The following TTLL5 variants were observed in gnomAD, a reference collection of about 807,000 sequenced individuals.
TTLL5 encodes the protein tubulin polyglutamylase TTLL5.
Under a neutral mutation model 168.4 loss-of-function variants are expected in TTLL5, and 132 were observed. The ratio of observed to expected loss-of-function variants is 0.78; its 90% CI spans 0.68 to 0.91. The LOEUF is 0.91. TTLL5 is among the 40% of genes least tolerant of loss of function. TTLL5 has a pLI of 0.00. For synonymous variants in TTLL5, 546 were observed against 558.6 expected (o/e 0.98, Z 0.32); for missense variants, 1,545 against 1,581.5 (o/e 0.98, Z 0.39).
In TTLL5 at chr14:75,901,938, T is replaced by C. The variant is rs116174437; in HGVS notation, c.3741-204T>C. Among the ~76,000 whole-genome samples, 1,119 of 152,270 alleles carry C rather than the reference T, an allele frequency of 7.3e-3. 17 individuals are homozygous for C. Among genetic ancestry groups the C allele is most frequent in the African/African-American group, 0.026 (1,066 of 41,544 alleles). ...AGTAGGGAGAAATTAACAATAAATC[T>C]CAAAATATATACTATTTCAGAAGTG... On this transcript the variant is annotated intron_variant, in intron 30 of 31. Transcript: ENST00000298832.
At chr14:75,687,071 T>C (rs1490250966) in intron 5 of TTLL5, among the ~76,000 whole-genome samples, 1 of 152,178 alleles carries the variant, frequency 6.6e-6, no homozygotes, top group African/African-American at 2.4e-5. Flanking sequence ...TTGAAATCTG[T>C]TTTAGAATAG....
chr14:75,776,847 C>T lies in TTLL5; in HGVS notation c.2384C>T (p.Ala795Val). The change falls in exon 23 of 32, where the codon GCA becomes GTA. Residue 795 changes from alanine (A) to valine (V), a missense_variant. Physicochemically the swap from Ala to Val is moderately conservative, Grantham distance 64. Coordinates refer to ENST00000298832, the MANE Select transcript of TTLL5 (RefSeq NM_015072.5). ...AACTTTCAGGAGTTCATCAGACAAG[C>T]AAGGTAGTAGACATTCTTGATTGAT... ...MENFQEFIRQ[A>V]SEAELEEVLT... 1 of 1,610,136 alleles carries T rather than the reference C, an allele frequency of 6.2e-7. No homozygotes were observed. The highest frequency in any genetic ancestry group is 1.7e-5 in the Admixed American group (1 of 59,936).
chr14:75,831,723 A>G (rs1047363457), intron 28 of TTLL5, among the ~76,000 whole-genome samples: 1 of 152,140 alleles, frequency 6.6e-6, no homozygotes, highest in South Asian at 2.1e-4. Flanking sequence ...GCTGCCAGGT[A>G]TGCTGTTTCA....
chr14:75,949,711 G>A (rs997412968), intron 31 of TTLL5, among the ~76,000 whole-genome samples: 3 of 151,738 alleles, frequency 2.0e-5, no homozygotes, highest in African/African-American at 2.4e-5. Flanking sequence ...TTAGCTGGGC[G>A]TGGGGTGCAT....
At position 75,769,699 on chromosome 14, in the gene TTLL5, A is replaced by G. The variant is rs371065841; in HGVS notation, c.2016-2035A>G. ...TGCTACATTTGAAGGTGTCTGAAAC[A>G]TGCTATTTCTTGCTCATTATATTGT... On this transcript the variant is annotated intron_variant, in intron 20 of 31. Coordinates refer to ENST00000298832, the MANE Select transcript of TTLL5 (RefSeq NM_015072.5). Among the ~76,000 whole-genome samples, 8 of 152,338 alleles carry G rather than the reference A, an allele frequency of 5.3e-5. No homozygotes were observed. In the South Asian group the frequency reaches 8.3e-4, roughly 16 times the overall value.
intron 28 of TTLL5, among the ~76,000 whole-genome samples, chr14:75,827,704 GTTCTTT>G (rs1895277068): frequency 1.1e-5 from 1 of 92,554 alleles, no homozygotes; most frequent in African/African-American, 4.1e-5. Flanking sequence ...ATTTGGCTTG[GTTCTTT>G]TTTTTTTTTT....
At chr14:75,774,889 G>C (rs117222439) in intron 21 of TTLL5, among the ~76,000 whole-genome samples, 1,889 of 151,986 alleles carry the variant, frequency 0.012, 15 homozygotes, top group South Asian at 0.026. Context: ...CAGTTTTACT[G>C]TGTTGGCCAG....
At chr14:75,888,674 G>A (rs1408454614) in intron 30 of TTLL5, among the ~76,000 whole-genome samples, 2 of 152,136 alleles carry the variant, frequency 1.3e-5, no homozygotes, top group Non-Finnish European at 2.9e-5. Flanking sequence ...GGTGGCTCAT[G>A]CCTGTAATCC....
chr14:75,771,911 ATTTTTT>A, intron 21 of TTLL5, 57 bp downstream of exon 21: 1 of 1,307,588 alleles, frequency 7.6e-7, no homozygotes. Flanking sequence ...TTCTTTCTGT[ATTTTTT>A]TTTTTTTTTC....
intron 15 of TTLL5, chr14:75,744,232 A>G (rs1889457451): frequency 6.6e-6 from 1 of 152,222 alleles, no homozygotes; most frequent in South Asian, 2.1e-4. Context: ...TACTTTTTGT[A>G]CTTGGCAGAT....
chr14:75,801,447 T>G (rs1458889920), intron 27 of TTLL5, among the ~76,000 whole-genome samples: 1 of 152,196 alleles, frequency 6.6e-6, no homozygotes, highest in East Asian at 1.9e-4. Context: ...CCTCAAGCAT[T>G]TATCCTTTCT....
chr14:75,831,255 T>C (rs1415421893), intron 28 of TTLL5, among the ~76,000 whole-genome samples: 1 of 152,194 alleles, frequency 6.6e-6, no homozygotes, highest in Non-Finnish European at 1.5e-5. Context: ...TGAGCTTCTT[T>C]TGTTTAGATC....
chr14:75,664,985 A>C (rs1883150790), intron 2 of TTLL5, among the ~76,000 whole-genome samples: 1 of 152,252 alleles, frequency 6.6e-6, no homozygotes. Context: ...ACCTAATATT[A>C]TAGTAGGTAC....
intron 3 of TTLL5, among the ~76,000 whole-genome samples, chr14:75,677,235 A>G (rs1327899366): frequency 5.3e-5 from 8 of 152,128 alleles, no homozygotes; most frequent in Non-Finnish European, 8.8e-5. Flanking sequence ...CAGCTACTCT[A>G]TGCAGTAACT....
intron 29 of TTLL5, among the ~76,000 whole-genome samples, chr14:75,880,646 C>G (rs1487499865): frequency 6.6e-6 from 1 of 152,138 alleles, no homozygotes. Context: ...TTCCTGTGTC[C>G]CTCTTTACTT....
chr14:75,927,789 C>T (rs899484782), intron 31 of TTLL5, among the ~76,000 whole-genome samples: 2 of 152,144 alleles, frequency 1.3e-5, no homozygotes, highest in Non-Finnish European at 2.9e-5. Context: ...ATTTCTGTTG[C>T]TTTCGTCAGC....
At chr14:75,808,660 A>T (rs1056922289) in intron 27 of TTLL5, among the ~76,000 whole-genome samples, 1 of 152,178 alleles carries the variant, frequency 6.6e-6, no homozygotes, top group Non-Finnish European at 1.5e-5. Context: ...CTATTCAAGG[A>T]TTACCTTTTG....
chr14:75,698,905 T>TA (rs79334798), intron 6 of TTLL5, among the ~76,000 whole-genome samples: 231 of 139,814 alleles, frequency 1.7e-3, no homozygotes, highest in Middle Eastern at 3.7e-3. Flanking sequence ...GACCCTGCCT[T>TA]AAAAAAAAAA....
At chr14:75,867,691 C>T (rs752081298) in intron 29 of TTLL5, among the ~76,000 whole-genome samples, 27 of 149,140 alleles carry the variant, frequency 1.8e-4, no homozygotes, top group Non-Finnish European at 3.4e-4. Context: ...ACCCGGGAGG[C>T]GGAGGTTGCA....
Sources: gnomAD v4.1 joint callset for allele counts (sites outside exome capture counted in the v4.1 genomes callset) on GRCh38, gnomAD v4.1.1 for gene constraint, MANE v1.5 for transcripts, NCBI Gene and HGNC (gene_info 2026-07-23, HGNC 2026-07-21) for gene names.